Variants in PSD2 observed in about 807,000 individuals in gnomAD.
PSD2 encodes the protein PH and SEC7 domain-containing protein 2.
A neutral mutation model predicts 69.8 loss-of-function variants in PSD2; 38 were observed. That is an observed-to-expected ratio of 0.54 (90% CI 0.42 to 0.71). The LOEUF is 0.71. Among genes scored for constraint, PSD2 ranks in the 30% least tolerant of loss-of-function variants. The pLI is 0.00. For missense variants in PSD2, 943 were observed against 1,014.5 expected, an observed-to-expected ratio of 0.93 and a Z score of 0.96; for synonymous variants, 412 against 423.0, an observed-to-expected ratio of 0.97 and a Z score of 0.32.
At chr5:139,791,764 C>G (rs1759420022), upstream of PSD2, among the ~76,000 whole-genome samples, 1 of 152,252 alleles carries the variant, frequency 6.6e-6, no homozygotes, top group South Asian at 2.1e-4. Context: ...ACCCAGCACC[C>G]TTGTGCAGTG....
chr5:139,812,680 G>T (rs751931627), intron 2 of PSD2, among the ~76,000 whole-genome samples: 1 of 152,168 alleles, frequency 6.6e-6, no homozygotes, highest in Non-Finnish European at 1.5e-5. Flanking sequence ...CTCTGAGGAG[G>T]TGGCAATGAG....
At chr5:139,791,455 A>G (rs1176915681), upstream of PSD2, among the ~76,000 whole-genome samples, 2 of 152,054 alleles carry the variant, frequency 1.3e-5, no homozygotes, top group East Asian at 1.9e-4. Context: ...AAACAAAACC[A>G]AAAACAAAAA....
chr5:139,815,013 C>G (rs907652613), intron 4 of PSD2, among the ~76,000 whole-genome samples: 1 of 152,050 alleles, frequency 6.6e-6, no homozygotes, highest in Non-Finnish European at 1.5e-5. Context: ...TCCCAACGTC[C>G]GCATTAAGGC....
the PSD2 span, among the ~76,000 whole-genome samples, chr5:139,752,167 C>T: frequency 6.6e-6 from 1 of 152,086 alleles, no homozygotes; most frequent in African/African-American, 2.4e-5. Flanking sequence ...CCCTCACACT[C>T]CTCAAAGCTT....
chr5:139,769,960 A>G, the PSD2 span, among the ~76,000 whole-genome samples: 7 of 152,252 alleles, frequency 4.6e-5, no homozygotes, highest in African/African-American at 1.4e-4. Flanking sequence ...TTCATCTTTG[A>G]ACTTGTGTTT....
chr5:139,764,470 C>T, the PSD2 span, among the ~76,000 whole-genome samples: 1 of 152,176 alleles, frequency 6.6e-6, no homozygotes, highest in Non-Finnish European at 1.5e-5. Flanking sequence ...GGTCTGGCGG[C>T]GCCGTGGGCA....
the PSD2 span, among the ~76,000 whole-genome samples, chr5:139,768,949 T>C: frequency 2.6e-5 from 4 of 152,116 alleles, no homozygotes; most frequent in East Asian, 5.8e-4. Flanking sequence ...AACAACATTA[T>C]TGAGCACCTA....
At chr5:139,766,943 T>TCTC in the PSD2 span, among the ~76,000 whole-genome samples, 1 of 116,072 alleles carries the variant, frequency 8.6e-6, no homozygotes, top group Non-Finnish European at 1.8e-5. Context: ...CTTTCTTTCT[T>TCTC]TCTTTCTTTC....
chr5:139,826,848 C>T lies in PSD2; in HGVS notation c.1269+4064C>T, dbSNP rs114968897. On this transcript the variant is annotated intron_variant, in intron 7 of 14. Coordinates refer to ENST00000274710, the MANE Select transcript of PSD2 (RefSeq NM_032289.4). Reference sequence around the variant, plus strand: ...AAGCCTGGCTTCCCCTACATGGGCCCGATAGATGCAGCAATTCCAGGCCTC... The same window carrying T: ...AAGCCTGGCTTCCCCTACATGGGCCTGATAGATGCAGCAATTCCAGGCCTC... Among the ~76,000 whole-genome samples the T allele has an allele frequency of 8.1e-3, 1,236 of 152,240 alleles. 11 individuals carry two copies. Among genetic ancestry groups the T allele is most frequent in the African/African-American group, 0.028 (1,163 of 41,532 alleles).
At chr5:139,790,758 C>T in the PSD2 span, among the ~76,000 whole-genome samples, 1 of 152,034 alleles carries the variant, frequency 6.6e-6, no homozygotes, top group Non-Finnish European at 1.5e-5. Flanking sequence ...AAATGGTGGC[C>T]ATGGCCGGGT....
At chr5:139,750,899 A>T in the PSD2 span, among the ~76,000 whole-genome samples, 1 of 152,152 alleles carries the variant, frequency 6.6e-6, no homozygotes. Context: ...GAGGCCCAGG[A>T]CTGAGCGATT....
rs201059381 is a variant in PSD2 at position 139,805,010 on chromosome 5, TGA to T, written c.-50-4379_-50-4378del. On this transcript the variant is annotated intron_variant, in intron 1 of 14. Coordinates refer to ENST00000274710, the MANE Select transcript of PSD2 (RefSeq NM_032289.4). ...GCATGTGTGTGTCTCTGTGTGTGTG[TGA>T]GTGTGTGCGTGTGTGTGTATTGTGC... Among the ~76,000 whole-genome samples the T allele has an allele frequency of 4.5e-3, 678 of 151,292 alleles. 7 individuals are homozygous for T. Among genetic ancestry groups the T allele is most frequent in the Non-Finnish European group, 7.5e-3 (509 of 67,846 alleles).
chr5:139,820,947 T>TTC (rs1221137243), intron 5 of PSD2, among the ~76,000 whole-genome samples: 1 of 151,624 alleles, frequency 6.6e-6, no homozygotes, highest in African/African-American at 2.4e-5. Flanking sequence ...TTTTTTTTTT[T>TTC]CTTGAGATGG....
At chr5:139,806,306 G>A (rs1759805243) in intron 1 of PSD2, among the ~76,000 whole-genome samples, 1 of 152,222 alleles carries the variant, frequency 6.6e-6, no homozygotes, top group African/African-American at 2.4e-5. Flanking sequence ...CACTGCTTTG[G>A]GCCAACTCTC....
the PSD2 span, among the ~76,000 whole-genome samples, chr5:139,768,931 G>A: frequency 3.3e-5 from 5 of 152,222 alleles, no homozygotes; most frequent in East Asian, 1.9e-4. Flanking sequence ...GAACTCATGC[G>A]TTCAGTCAAC....
chr5:139,815,729 C>T (rs1343323130), intron 4 of PSD2, among the ~76,000 whole-genome samples: 1 of 152,222 alleles, frequency 6.6e-6, no homozygotes, highest in Admixed American at 6.5e-5. Flanking sequence ...CATAGTGGCT[C>T]ATGCCTGTAA....
At position 139,836,945 on chromosome 5, in the gene PSD2, C is replaced by T. The variant is rs1207056342; in HGVS notation, c.1538C>T (p.Thr513Ile). The T allele has an allele frequency of 6.2e-7, 1 of 1,613,994 alleles. No homozygotes were observed. The highest frequency in any genetic ancestry group is 1.3e-5 in the African/African-American group (1 of 74,920). ...LDVPQALSAT[T>I]YKHGVLTRKT... ...GTCCCACAGGCGCTCAGTGCCACCA[C>T]CTACAAGCACGGCGTCCTGACCCGG... The change falls in exon 10 of 15, where the codon ACC (threonine) becomes ATC (isoleucine). Residue 513 changes from threonine (T) to isoleucine (I), a missense_variant. By Grantham distance (89) the Thr-to-Ile change is moderately conservative. Around this residue, in one of 3 missense-constraint regions of PSD2, gnomAD observed 312 missense variants for 400.7 expected, o/e 0.78. Transcript: ENST00000274710.
At chr5:139,824,877 G>A (rs1760376687) in intron 7 of PSD2, among the ~76,000 whole-genome samples, 1 of 152,118 alleles carries the variant, frequency 6.6e-6, no homozygotes, top group Non-Finnish European at 1.5e-5. Flanking sequence ...AGGCCTGGTG[G>A]GTTGTGGGGA....
the PSD2 span, among the ~76,000 whole-genome samples, chr5:139,753,256 C>T: frequency 6.8e-4 from 103 of 152,302 alleles, no homozygotes; most frequent in Non-Finnish European, 1.1e-3. Context: ...GCCCAGTGAG[C>T]TGGGGCTGCA....
Sources: gnomAD v4.1 joint callset for allele counts (sites outside exome capture counted in the v4.1 genomes callset) on GRCh38, gnomAD v4.1.1 for gene constraint, gnomAD v4.1.1 regional missense constraint, MANE v1.5 for transcripts, NCBI Gene and HGNC (gene_info 2026-07-23, HGNC 2026-07-21) for gene names.